Variants in CPNE4 observed in about 807,000 individuals in gnomAD.
CPNE4 encodes copine-4.
CPNE4 carries 25 observed loss-of-function variants against 67.9 expected under a neutral mutation model. The observed-to-expected ratio is 0.37, with a 90% CI of 0.27 to 0.51. The LOEUF (loss-of-function observed/expected upper bound fraction) is 0.51. Ranked by LOEUF, CPNE4 falls within the 20% of genes least tolerant of loss-of-function variation. The pLI is 0.93. For synonymous variants in CPNE4, 242 were observed against 244.9 expected (o/e 0.99, Z 0.11); for missense variants, 464 against 690.8 (o/e 0.67, Z 3.68).
At chr3:131,831,875 C>A (rs923530085) in intron 2 of CPNE4, among the ~76,000 whole-genome samples, 1 of 152,124 alleles carries the variant, frequency 6.6e-6, no homozygotes, top group Non-Finnish European at 1.5e-5. Flanking sequence ...GTTGTATTTT[C>A]TTTCATCCAT....
chr3:131,929,539 T>C (rs2070994261), intron 1 of CPNE4, among the ~76,000 whole-genome samples: 1 of 152,042 alleles, frequency 6.6e-6, no homozygotes, highest in Non-Finnish European at 1.5e-5. Context: ...TTCTGCCCCT[T>C]CTCCATGTCT....
At position 131,928,523 on chromosome 3, in the gene CPNE4, CAAACAGGAACCTG is replaced by C. The variant is rs1302659462; in HGVS notation, c.-1-23092_-1-23080del. 2.6e-5 allele frequency among the ~76,000 whole-genome samples: 4 copies of C among 152,136 alleles called. No individual in the cohort carries two copies. In the East Asian group the frequency reaches 7.7e-4, roughly 29 times the overall value. On this transcript the variant is annotated intron_variant, in intron 1 of 15. Coordinates refer to ENST00000429747, the MANE Select transcript of CPNE4 (RefSeq NM_130808.3). ...AATAGTGCAAATCACCCATCTGTTA[CAAACAGGAACCTG>C]AAAAAGCAACAACATCCTGGCAGTG...
chr3:131,692,043 TA>T (rs10714147), intron 5 of CPNE4, among the ~76,000 whole-genome samples: 1,943 of 152,294 alleles, frequency 0.013, 38 homozygotes, highest in African/African-American at 0.043. Context: ...GTTGCTGTGG[TA>T]AAATTCTTTA....
At chr3:131,597,283 G>A (rs1298747851) in intron 7 of CPNE4, among the ~76,000 whole-genome samples, 3 of 149,374 alleles carry the variant, frequency 2.0e-5, no homozygotes, top group Non-Finnish European at 4.4e-5. Flanking sequence ...ACAGGGAGGG[G>A]AACATCACAC....
At chr3:131,669,191 C>T (rs2107654301) in intron 7 of CPNE4, among the ~76,000 whole-genome samples, 1 of 152,242 alleles carries the variant, frequency 6.6e-6, no homozygotes, top group South Asian at 2.1e-4. Flanking sequence ...GAACCACCCT[C>T]CTCTTGGGTA....
chr3:132,021,156 T>G (rs756479295), intron 1 of CPNE4, among the ~76,000 whole-genome samples: 23 of 152,218 alleles, frequency 1.5e-4, no homozygotes, highest in Non-Finnish European at 4.4e-5. Context: ...TCATCACCTC[T>G]CTTGCTAATA....
intron 3 of CPNE4, among the ~76,000 whole-genome samples, chr3:131,718,658 C>T (rs1313607577): frequency 1.3e-5 from 2 of 152,208 alleles, no homozygotes; most frequent in African/African-American, 4.8e-5. Context: ...CTTTCCCCTA[C>T]AGCCCTTGGA....
chr3:131,677,946 T>C (rs1035990482), intron 6 of CPNE4, among the ~76,000 whole-genome samples: 10 of 152,202 alleles, frequency 6.6e-5, no homozygotes, highest in African/African-American at 2.4e-4. Flanking sequence ...AATTTTAAAA[T>C]AGATTTTTCT....
In CPNE4 at chr3:131,656,848, AC is replaced by A. The variant is rs2079982675; in HGVS notation, c.681+12826del. Reference sequence around the variant, plus strand: ...CTGAGTGCTTCAGTTTTGAGTTGACACCTGAATGTTAAGAACATGCCAGCTA... The same window carrying A: ...CTGAGTGCTTCAGTTTTGAGTTGACACTGAATGTTAAGAACATGCCAGCTA... On this transcript the variant is annotated intron_variant, in intron 7 of 15. Coordinates refer to ENST00000429747, the MANE Select transcript of CPNE4 (RefSeq NM_130808.3). Among the ~76,000 whole-genome samples, 5 of 152,332 alleles carry A rather than the reference AC, an allele frequency of 3.3e-5. No individual in the cohort carries two copies. The South Asian group carries it at 1.0e-3, about 32-fold the overall frequency.
intron 2 of CPNE4, among the ~76,000 whole-genome samples, chr3:131,849,689 T>C (rs137998536): frequency 1.3e-5 from 2 of 152,236 alleles, no homozygotes; most frequent in East Asian, 3.9e-4. Flanking sequence ...TTATTCTTGC[T>C]CTCCGGGACT....
chr3:131,566,644 T>G (rs1010011139), intron 10 of CPNE4, among the ~76,000 whole-genome samples: 2 of 151,870 alleles, frequency 1.3e-5, no homozygotes, highest in Middle Eastern at 3.2e-3. Context: ...CCAGAGATGT[T>G]TGAGAGACAA....
At chr3:131,674,006 A>T (rs1255007324) in intron 6 of CPNE4, among the ~76,000 whole-genome samples, 2 of 150,402 alleles carry the variant, frequency 1.3e-5, no homozygotes, top group Non-Finnish European at 3.0e-5. Flanking sequence ...AGTTTTTTGC[A>T]TTTTTTTTTA....
chr3:131,577,534 G>A (rs1219153523), intron 9 of CPNE4, among the ~76,000 whole-genome samples: 1 of 152,086 alleles, frequency 6.6e-6, no homozygotes, highest in South Asian at 2.1e-4. Flanking sequence ...TAACACAACT[G>A]TAAGTCTTTG....
intron 2 of CPNE4, among the ~76,000 whole-genome samples, chr3:131,792,393 C>T (rs1173787202): frequency 1.3e-5 from 2 of 151,318 alleles, no homozygotes; most frequent in African/African-American, 4.9e-5. Context: ...CCTTGGATGC[C>T]CTAAACATTA....
Position 131,564,246 on chromosome 3 carries a change from G to T in CPNE4, c.1031C>A (p.Ala344Asp), listed in dbSNP as rs1022306670. The T allele has an allele frequency of 6.2e-7, 1 of 1,612,968 alleles. No individual in the cohort carries two copies. The highest frequency in any genetic ancestry group is 8.5e-7 in the Non-Finnish European group (1 of 1,179,292). ...ATAGTCTTGGCAAATCTCCCCCACA[G>T]CTACCAAAGCTTTCAGATACTCATT... ...QPNEYLKALVAVGEICQDYDS... is the reference protein window; with the variant it reads ...QPNEYLKALVDVGEICQDYDS... The change falls in exon 11 of 16, where the codon GCT (alanine) becomes GAT (aspartate). Residue 344 changes from alanine (A) to aspartate (D), a missense_variant. Ala to Asp is a moderately radical substitution (Grantham distance 126, BLOSUM62 -2). Coordinates refer to ENST00000429747, the MANE Select transcript of CPNE4 (RefSeq NM_130808.3).
Position 131,546,689 on chromosome 3 carries a change from A to C in CPNE4, c.1302+3258T>G, listed in dbSNP as rs558672179. On this transcript the variant is annotated intron_variant, in intron 14 of 15. Transcript: ENST00000429747. ...CTGAGGGAGTGAGTGATGGCCAAAAACTCATGCTGTTCTATATCAGCCTGA... is the reference window on the plus strand; with the variant it reads ...CTGAGGGAGTGAGTGATGGCCAAAACCTCATGCTGTTCTATATCAGCCTGA... 8.0e-4 allele frequency among the ~76,000 whole-genome samples: 121 copies of C among 152,028 alleles called. 1 individual carries two copies. The highest frequency in any genetic ancestry group is 2.8e-3 in the African/African-American group (118 of 41,492).
chr3:131,793,702 A>T (rs1321140591), intron 2 of CPNE4, among the ~76,000 whole-genome samples: 1 of 152,110 alleles, frequency 6.6e-6, no homozygotes, highest in Admixed American at 6.6e-5. Context: ...AATATTTAAT[A>T]CTCAGATTGG....
intron 2 of CPNE4, among the ~76,000 whole-genome samples, chr3:131,759,756 A>C (rs2082843481): frequency 6.6e-6 from 1 of 152,222 alleles, no homozygotes; most frequent in Non-Finnish European, 1.5e-5. Context: ...TAGGTTCTTT[A>C]AAACCTATCT....
chr3:131,623,124 G>A (rs1447523910), intron 7 of CPNE4, among the ~76,000 whole-genome samples: 1 of 152,008 alleles, frequency 6.6e-6, no homozygotes, highest in Admixed American at 6.6e-5. Context: ...TTCTGTCTGC[G>A]ATGTCTATAA....
Sources: gnomAD v4.1 joint callset for allele counts (sites outside exome capture counted in the v4.1 genomes callset) on GRCh38, gnomAD v4.1.1 for gene constraint, MANE v1.5 for transcripts, NCBI Gene and HGNC (gene_info 2026-07-23, HGNC 2026-07-21) for gene names.